ANKS1A: variants seen among roughly 807,000 people sequenced by gnomAD.
ANKS1A encodes the protein ankyrin repeat and sterile alpha motif domain containing 1A.
Under a neutral mutation model 120.3 loss-of-function variants are expected in ANKS1A, and 55 were observed. That is an observed-to-expected ratio of 0.46 (90% CI 0.37 to 0.57). The LOEUF is 0.57. ANKS1A is among the 20% of genes least tolerant of loss of function. ANKS1A has a pLI of 0.00. For synonymous variants in ANKS1A, 590 were observed against 604.7 expected (o/e 0.98, Z 0.36); for missense variants, 1,123 against 1,480.3 (o/e 0.76, Z 3.96).
rs769837840 is a variant in ANKS1A, at chr6:35,088,593, T to C, written c.3402-13T>C. ...TTAACCCTTTCCTCCCCCCATTGTTTGCTTCTGCCAAGCTGAGCCACTGAG... is the reference window on the plus strand; with the variant it reads ...TTAACCCTTTCCTCCCCCCATTGTTCGCTTCTGCCAAGCTGAGCCACTGAG... On this transcript the variant is annotated splice_polypyrimidine_tract_variant and intron_variant, in intron 23 of 23. Coordinates refer to ENST00000360359, the MANE Select transcript of ANKS1A (RefSeq NM_015245.3). 4 of 1,614,202 alleles carry C rather than the reference T, an allele frequency of 2.5e-6. No homozygotes were observed. Among genetic ancestry groups the C allele is most frequent in the Non-Finnish European group, 3.4e-6 (4 of 1,180,016 alleles).
intron 10 of ANKS1A, among the ~76,000 whole-genome samples, chr6:35,006,709 C>G (rs1216125377): frequency 6.6e-6 from 1 of 152,116 alleles, no homozygotes; most frequent in Non-Finnish European, 1.5e-5. Context: ...GAGCCAAGAT[C>G]GCACCACTGC....
chr6:34,967,353 C>T (rs1030229479), intron 2 of ANKS1A, 34 bp downstream of exon 2: 2 of 1,599,828 alleles, frequency 1.3e-6, no homozygotes, highest in African/African-American at 2.7e-5. Flanking sequence ...CTGCCTTCAC[C>T]CTTCAGAACC....
chr6:34,925,414 A>G (rs1768660302), intron 1 of ANKS1A, among the ~76,000 whole-genome samples: 1 of 152,202 alleles, frequency 6.6e-6, no homozygotes. Flanking sequence ...GCAAATGAGC[A>G]TGTCATTGGG....
At chr6:34,965,966 C>T in intron 1 of ANKS1A, among the ~76,000 whole-genome samples, 1 of 152,146 alleles carries the variant, frequency 6.6e-6, no homozygotes, top group East Asian at 1.9e-4. Context: ...TGGTGTCAAA[C>T]TTCTGGCCTC....
intron 1 of ANKS1A, among the ~76,000 whole-genome samples, chr6:34,942,934 C>G (rs539314144): frequency 6.7e-6 from 1 of 149,978 alleles, no homozygotes; most frequent in African/African-American, 2.5e-5. Flanking sequence ...TCCCTTCCCC[C>G]TCCTTTTCCT....
chr6:35,020,324 T>C (rs1478241344), intron 11 of ANKS1A, among the ~76,000 whole-genome samples: 2 of 152,224 alleles, frequency 1.3e-5, no homozygotes, highest in African/African-American at 2.4e-5. Flanking sequence ...TCAGGTATTA[T>C]AAGTAAACTA....
chr6:34,906,128 C>T (rs1329369669), intron 1 of ANKS1A, among the ~76,000 whole-genome samples: 2 of 152,132 alleles, frequency 1.3e-5, no homozygotes, highest in Non-Finnish European at 2.9e-5. Flanking sequence ...CTTCCTGTAG[C>T]TCAGTTTTCT....
At chr6:35,000,461 TAA>T (rs34756440) in intron 10 of ANKS1A, among the ~76,000 whole-genome samples, 178 of 146,458 alleles carry the variant, frequency 1.2e-3, no homozygotes, top group Admixed American at 1.2e-3. Flanking sequence ...AAAGTTCACT[TAA>T]AAAAAAAAAA....
chr6:35,044,856 C>G lies in ANKS1A; in HGVS notation c.2011-9243C>G, dbSNP rs1775640062. On this transcript the variant is annotated intron_variant, in intron 11 of 23. Transcript: ENST00000360359. This position sits in a 1 kb window ranked among gnomAD's most constrained non-coding sequence, Gnocchi z 4.4. ...ATGGCAAGTACAAGCCCTGTCTAATCGCTGTAAACTGAAATGTGCAAGGGA... is the reference window on the plus strand; with the variant it reads ...ATGGCAAGTACAAGCCCTGTCTAATGGCTGTAAACTGAAATGTGCAAGGGA... 6.6e-6 allele frequency among the ~76,000 whole-genome samples: 1 copy of G among 152,196 alleles called. No homozygotes were observed. The highest frequency in any genetic ancestry group is 2.4e-5 in the African/African-American group (1 of 41,456).
chr6:34,955,012 T>C (rs1770284427), intron 1 of ANKS1A, among the ~76,000 whole-genome samples: 2 of 152,240 alleles, frequency 1.3e-5, no homozygotes, highest in African/African-American at 2.4e-5. Flanking sequence ...TAAATGCTTA[T>C]GTTTATGTTA....
intron 1 of ANKS1A, among the ~76,000 whole-genome samples, chr6:34,956,525 T>C (rs1487555964): frequency 6.6e-6 from 1 of 152,178 alleles, no homozygotes; most frequent in East Asian, 1.9e-4. Context: ...TAATATTATA[T>C]AGGGTTATGG....
intron 9 of ANKS1A, among the ~76,000 whole-genome samples, chr6:34,993,200 G>C (rs1172724521): frequency 1.3e-5 from 2 of 152,042 alleles, no homozygotes; most frequent in South Asian, 4.2e-4. Flanking sequence ...TTCTTATTTT[G>C]CCTGTGAAAC....
intron 1 of ANKS1A, among the ~76,000 whole-genome samples, chr6:34,959,841 C>T (rs1454689160): frequency 1.3e-5 from 2 of 152,140 alleles, no homozygotes; most frequent in Non-Finnish European, 2.9e-5. Flanking sequence ...ATAGGAGGAA[C>T]CCTGATTCTC....
In ANKS1A at chr6:35,085,926, G is replaced by A; in HGVS notation, c.3293G>A (p.Arg1098Lys). ...GTGCCTAAGCCTCGGGTCGGCGTGA[G>A]GAAATCCGCAGTACGTGGGCCCCAC... ...KPVPKPRVGV[R>K]KSALEPPDMD... Residue 1098 changes from arginine (R) to lysine (K), a missense_variant, in exon 22 of 24, where the codon AGG becomes AAG. Around this residue, in one of 3 missense-constraint regions of ANKS1A, gnomAD observed 904 missense variants for 1,130.4 expected, o/e 0.80. Coordinates refer to ENST00000360359, the MANE Select transcript of ANKS1A (RefSeq NM_015245.3). This position sits in a 1 kb window ranked among gnomAD's most constrained non-coding sequence, Gnocchi z 4.7. 1 of 1,606,396 alleles carries A rather than the reference G, an allele frequency of 6.2e-7. No individual in the cohort carries two copies. The highest frequency in any genetic ancestry group is 1.1e-5 in the South Asian group (1 of 90,226).
At chr6:35,062,551 AGCT>A (rs1238089512) in intron 13 of ANKS1A, among the ~76,000 whole-genome samples, 2 of 152,216 alleles carry the variant, frequency 1.3e-5, no homozygotes, top group African/African-American at 2.4e-5. Flanking sequence ...ATGCAGAAGT[AGCT>A]TCCAGGAAGC....
chr6:34,959,950 T>C (rs962268145), intron 1 of ANKS1A, among the ~76,000 whole-genome samples: 11 of 152,154 alleles, frequency 7.2e-5, no homozygotes, highest in African/African-American at 2.7e-4. Context: ...GTGTGGACTT[T>C]ATGTCCTCCT....
Position 35,082,375 on chromosome 6 carries a change from C to A in ANKS1A, c.2710-316C>A, listed in dbSNP as rs1205766016. 6.6e-6 allele frequency among the ~76,000 whole-genome samples: 1 copy of A among 151,874 alleles called. No homozygotes were observed. The highest frequency in any genetic ancestry group is 1.5e-5 in the Non-Finnish European group (1 of 67,972). Reference sequence around the variant, plus strand: ...GCAGAACAGCCTGGCAGCCTGTGCCCCCCACACAGACTCTGCCATCTCCTC... The same window carrying A: ...GCAGAACAGCCTGGCAGCCTGTGCCACCCACACAGACTCTGCCATCTCCTC... On this transcript the variant is annotated intron_variant, in intron 17 of 23. Transcript: ENST00000360359. This position sits in a 1 kb window ranked among gnomAD's most constrained non-coding sequence, Gnocchi z 4.1.
At chr6:35,018,218 G>A (rs1234715359) in intron 11 of ANKS1A, among the ~76,000 whole-genome samples, 159 bp downstream of exon 11, 1 of 152,252 alleles carries the variant, frequency 6.6e-6, no homozygotes, top group Non-Finnish European at 1.5e-5. Flanking sequence ...GTAAGAAGAG[G>A]CGAGCCTCAG....
At chr6:34,934,775 C>T (rs1360736740) in intron 1 of ANKS1A, among the ~76,000 whole-genome samples, 1 of 152,214 alleles carries the variant, frequency 6.6e-6, no homozygotes, top group African/African-American at 2.4e-5. Context: ...AAGAACCTGT[C>T]GACATCTCAG....
Sources: allele counts gnomAD v4.1 joint callset (sites outside exome capture counted in the v4.1 genomes callset), GRCh38; gene constraint gnomAD v4.1.1; regional missense constraint gnomAD v4.1.1; non-coding constraint Gnocchi (gnomAD v3.1); transcripts MANE v1.5; gene names NCBI Gene and HGNC (gene_info 2026-07-23, HGNC 2026-07-21).